MYO5B: variants seen among roughly 807,000 people sequenced by gnomAD.
MYO5B encodes myosin VB.
In MYO5B, 143 loss-of-function variants were observed where a neutral mutation model predicts 229.3. The ratio of observed to expected loss-of-function variants is 0.62; its 90% CI spans 0.54 to 0.72. MYO5B has a LOEUF of 0.72. Ranked by LOEUF, MYO5B falls within the 30% of genes least tolerant of loss-of-function variation. MYO5B has a pLI of 0.00. For synonymous variants in MYO5B, 918 were observed against 885.2 expected (o/e 1.04, Z -0.66); for missense variants, 2,321 against 2,331.0 (o/e 1.00, Z 0.09).
intron 21 of MYO5B, among the ~76,000 whole-genome samples, chr18:49,896,628 T>C (rs2024782077): frequency 6.6e-6 from 1 of 152,118 alleles, no homozygotes; most frequent in African/African-American, 2.4e-5. Context: ...GCAGGAGGTC[T>C]CTAGGTAGAG....
Position 49,853,618 on chromosome 18 carries a change from C to T in MYO5B, c.4052G>A (p.Ser1351Asn). Residue 1351 changes from serine (S) to asparagine (N), a missense_variant, in exon 31 of 40, where the codon AGC (serine) becomes AAC (asparagine). Ser to Asn is a conservative substitution (Grantham distance 46). Around this residue, in one of 2 missense-constraint regions of MYO5B, gnomAD observed 2,113 missense variants for 2,044.7 expected, o/e 1.03. Coordinates refer to ENST00000285039, the MANE Select transcript of MYO5B (RefSeq NM_001080467.3). ...RLLEAQLQAQ[S>N]LEHEEEVEHL... ...CTCCACCTCCTCCTCATGCTCCAGG[C>T]TCTGGGCCTGCAGCTGAGCCTCCAG... is the stretch of plus-strand genomic sequence containing the variant. The T allele has an allele frequency of 6.2e-7, 1 of 1,613,748 alleles. No individual in the cohort carries two copies. The highest frequency in any genetic ancestry group is 1.3e-5 in the African/African-American group (1 of 75,068).
chr18:50,164,072 A>G (rs2032808768), intron 1 of MYO5B, among the ~76,000 whole-genome samples: 1 of 152,228 alleles, frequency 6.6e-6, no homozygotes, highest in Admixed American at 6.5e-5. Flanking sequence ...TCTGCATAAC[A>G]TAAGGTGGTT....
At chr18:50,116,002 T>A (rs1050060002) in intron 1 of MYO5B, among the ~76,000 whole-genome samples, 1 of 152,202 alleles carries the variant, frequency 6.6e-6, no homozygotes, top group African/African-American at 2.4e-5. Flanking sequence ...CTTTACTCCC[T>A]AGCCTGTTAC....
At chr18:50,150,715 G>T (rs2032585367) in intron 1 of MYO5B, among the ~76,000 whole-genome samples, 1 of 152,114 alleles carries the variant, frequency 6.6e-6, no homozygotes, top group African/African-American at 2.4e-5. Context: ...GATAGCATTG[G>T]GAGATATACC....
intron 1 of MYO5B, among the ~76,000 whole-genome samples, chr18:50,188,393 T>C (rs557118681): frequency 6.6e-6 from 1 of 152,300 alleles, no homozygotes. Flanking sequence ...TGTGCACTCC[T>C]CTAATGACAC....
rs557692856 is a variant in MYO5B, at chr18:49,963,360, T to C, written c.1323-330A>G. Among the ~76,000 whole-genome samples, 15 of 152,170 alleles carry C rather than the reference T, an allele frequency of 9.9e-5. No individual in the cohort carries two copies. In the South Asian group the frequency reaches 1.9e-3, roughly 19 times the overall value. ...GTTTCCTTTTAGGAATTTTGCATTT[T>C]TGAAAAAAGTCAGAACTATGTAACA... On this transcript the variant is annotated intron_variant, in intron 10 of 39. Coordinates refer to ENST00000285039, the MANE Select transcript of MYO5B (RefSeq NM_001080467.3).
At chr18:49,838,760 C>A (rs1036878509) in intron 36 of MYO5B, among the ~76,000 whole-genome samples, 1 of 152,232 alleles carries the variant, frequency 6.6e-6, no homozygotes, top group African/African-American at 2.4e-5. Flanking sequence ...GTGCCGACTG[C>A]TGTGTCCTTT....
chr18:50,051,503 G>A (rs960430584), intron 2 of MYO5B, among the ~76,000 whole-genome samples: 2 of 152,186 alleles, frequency 1.3e-5, no homozygotes, highest in African/African-American at 4.8e-5. Flanking sequence ...CAAAAAGGGA[G>A]GTGGGGCCAG....
At chr18:49,865,247 G>T (rs1456421492) in intron 27 of MYO5B, among the ~76,000 whole-genome samples, 1 of 152,154 alleles carries the variant, frequency 6.6e-6, no homozygotes, top group Non-Finnish European at 1.5e-5. Context: ...CCCAGGGAGG[G>T]GAAGGCTCAC....
rs532026417 is a variant in MYO5B, at chr18:49,869,786, C to A, written c.3603+2381G>T. Among the ~76,000 whole-genome samples the A allele has an allele frequency of 2.0e-5, 3 of 151,856 alleles. No individual in the cohort carries two copies. In the East Asian group the frequency reaches 5.8e-4, roughly 29 times the overall value. ...TTGTTAAAAGACAGATGGGTGGGCC[C>A]TATCCCAGCCTTCTGATTCAGCAGG... On this transcript the variant is annotated intron_variant, in intron 27 of 39. Coordinates refer to ENST00000285039, the MANE Select transcript of MYO5B (RefSeq NM_001080467.3).
Position 50,016,446 on chromosome 18 carries a change from A to T in MYO5B, c.456-15035T>A, listed in dbSNP as rs1006798879. Among the ~76,000 whole-genome samples, 11 of 152,284 alleles carry T rather than the reference A, an allele frequency of 7.2e-5. No homozygotes were observed. In the South Asian group the frequency reaches 1.9e-3, roughly 26 times the overall value. On this transcript the variant is annotated intron_variant, in intron 4 of 39. Transcript: ENST00000285039. ...TGCAGTAACTGAATTCTTTAACATA[A>T]TGTGTATCTATGAAATACAAACCAA...
intron 17 of MYO5B, among the ~76,000 whole-genome samples, chr18:49,919,794 A>G (rs535857331): frequency 6.6e-6 from 1 of 152,334 alleles, no homozygotes; most frequent in African/African-American, 2.4e-5. Context: ...GTGTTACCAT[A>G]TGACACAACA....
At chr18:49,919,408 G>A (rs2025051058) in intron 17 of MYO5B, among the ~76,000 whole-genome samples, 1 of 152,114 alleles carries the variant, frequency 6.6e-6, no homozygotes, top group Non-Finnish European at 1.5e-5. Flanking sequence ...GAAAATATTT[G>A]CAAGTCGTAT....
At chr18:50,075,340 G>A (rs1334616736) in intron 1 of MYO5B, among the ~76,000 whole-genome samples, 1 of 152,098 alleles carries the variant, frequency 6.6e-6, no homozygotes, top group African/African-American at 2.4e-5. Context: ...AAGACATGAA[G>A]AATCCAAGTT....
intron 1 of MYO5B, among the ~76,000 whole-genome samples, chr18:50,147,668 G>A (rs1047830565): frequency 1.2e-4 from 18 of 152,138 alleles, no homozygotes; most frequent in African/African-American, 4.3e-4. Flanking sequence ...ATCTTCGGTA[G>A]CATACAAGAC....
chr18:49,997,267 TAAAAAAAAAAAAAAAAAAAA>T (rs58927375), intron 5 of MYO5B, among the ~76,000 whole-genome samples: 1 of 101,200 alleles, frequency 9.9e-6, no homozygotes, highest in African/African-American at 4.4e-5. Context: ...GTCCTGTCTT[TAAAAAAAAAAAAAAAAAAAA>T]AAAAAAAAAA....
chr18:50,090,478 T>C (rs184446115), intron 1 of MYO5B, among the ~76,000 whole-genome samples: 1 of 152,178 alleles, frequency 6.6e-6, no homozygotes, highest in African/African-American at 2.4e-5. Flanking sequence ...TTAGGTAGTA[T>C]CCCTCCTTGA....
chr18:49,840,280 G>C (rs1309444628), intron 35 of MYO5B: 1 of 152,194 alleles, frequency 6.6e-6, no homozygotes, highest in Admixed American at 6.5e-5. Flanking sequence ...TAAATGCTTG[G>C]ATATTATGAT....
At chr18:49,862,019 C>G (rs1307723762) in intron 29 of MYO5B, among the ~76,000 whole-genome samples, 1 of 132,884 alleles carries the variant, frequency 7.5e-6, no homozygotes, top group East Asian at 2.2e-4. Flanking sequence ...TTTTTGGAGA[C>G]ACAGTTTTGC....
Sources: gnomAD v4.1 joint callset for allele counts (sites outside exome capture counted in the v4.1 genomes callset) on GRCh38, gnomAD v4.1.1 for gene constraint, gnomAD v4.1.1 regional missense constraint, MANE v1.5 for transcripts, NCBI Gene and HGNC (gene_info 2026-07-23, HGNC 2026-07-21) for gene names.